The following CUX1 variants were observed in gnomAD, a reference collection of about 807,000 sequenced individuals.
CUX1 encodes protein CASP.
In CUX1, 31 loss-of-function variants were observed where a neutral mutation model predicts 158.8. The observed-to-expected ratio is 0.20, with a 90% CI of 0.15 to 0.26. The LOEUF is 0.26. CUX1 is among the 10% of genes least tolerant of loss of function. The probability of loss-of-function intolerance (pLI) is 1.00; values close to 1 mark genes in which losing one functional copy is unlikely to be tolerated. For synonymous variants in CUX1, 879 were observed against 862.1 expected (o/e 1.02, Z -0.34); for missense variants, 1,589 against 2,014.6 (o/e 0.79, Z 4.04).
chr7:102,073,563 A>G (rs1826385051), intron 4 of CUX1, among the ~76,000 whole-genome samples: 1 of 152,198 alleles, frequency 6.6e-6, no homozygotes, highest in Non-Finnish European at 1.5e-5. Context: ...CCAACTGGGC[A>G]GTCACTTTAA....
At chr7:102,080,063 G>A (rs886489238) in intron 4 of CUX1, among the ~76,000 whole-genome samples, 10 of 152,198 alleles carry the variant, frequency 6.6e-5, no homozygotes, top group East Asian at 1.9e-4. Context: ...GGCCACCACT[G>A]TTCTAAAGAC....
At position 102,248,480 on chromosome 7, in the gene CUX1, G is replaced by A; in HGVS notation, c.3956G>A (p.Ser1319Asn). ...GGGAGTCAGGGCCAGGCGGGCGCCA[G>A]CGACTCACCCTCGGCCCGCAGCGGC... ...QAGSQGQAGA[S>N]DSPSARSGRA... The change falls in exon 24 of 24, where the codon AGC becomes AAC. Residue 1319 changes from serine (S) to asparagine (N), a missense_variant. Around this residue, in one of 8 missense-constraint regions of CUX1, gnomAD observed 344 missense variants for 323.7 expected, o/e 1.06. Coordinates refer to ENST00000292535, the MANE Select transcript of CUX1 (RefSeq NM_181552.4). This position sits in a 1 kb window ranked among gnomAD's most constrained non-coding sequence, Gnocchi z 5.8. 1 of 1,592,068 alleles carries A rather than the reference G, an allele frequency of 6.3e-7. No homozygotes were observed. Among genetic ancestry groups the A allele is most frequent in the Non-Finnish European group, 8.5e-7 (1 of 1,173,100 alleles).
At chr7:101,926,461 G>T (rs1805607014) in intron 2 of CUX1, among the ~76,000 whole-genome samples, 1 of 152,116 alleles carries the variant, frequency 6.6e-6, no homozygotes, top group South Asian at 2.1e-4. Flanking sequence ...TGGTCTGGAG[G>T]GCACCAGCAG....
chr7:102,209,197 C>T (rs1402111042), intron 20 of CUX1, among the ~76,000 whole-genome samples: 1 of 152,194 alleles, frequency 6.6e-6, no homozygotes, highest in Admixed American at 6.5e-5. Context: ...CCTTGTCTGT[C>T]CTTCCGTTTT....
At chr7:102,246,257 C>T (rs1311031207) in intron 23 of CUX1, among the ~76,000 whole-genome samples, 3 of 152,132 alleles carry the variant, frequency 2.0e-5, no homozygotes, top group Non-Finnish European at 4.4e-5. Context: ...GCCATAGCGC[C>T]CAGGAACCTG....
At chr7:101,954,508 T>G (rs929393749) in intron 2 of CUX1, among the ~76,000 whole-genome samples, 4 of 152,152 alleles carry the variant, frequency 2.6e-5, no homozygotes, top group Non-Finnish European at 5.9e-5. Flanking sequence ...GGAAAAAAAG[T>G]AGAAATATGG....
At chr7:102,159,034 A>G (rs1161913394) in intron 9 of CUX1, among the ~76,000 whole-genome samples, 1 of 145,418 alleles carries the variant, frequency 6.9e-6, no homozygotes, top group African/African-American at 2.5e-5. Flanking sequence ...ACATCTCACC[A>G]CGGTGTTATC....
chr7:101,995,170 G>C (rs1171907674), intron 2 of CUX1, among the ~76,000 whole-genome samples: 2 of 152,140 alleles, frequency 1.3e-5, no homozygotes, highest in African/African-American at 4.8e-5. Context: ...AACTGCTGCT[G>C]ACGGGCTCTT....
At chr7:102,169,753 C>T (rs1554509903) in intron 9 of CUX1, among the ~76,000 whole-genome samples, 1 of 152,172 alleles carries the variant, frequency 6.6e-6, no homozygotes, top group African/African-American at 2.4e-5. Context: ...TGGTTGTTTC[C>T]TTGTTCAGGA....
chr7:102,015,418 G>A (rs1818475652), intron 2 of CUX1, among the ~76,000 whole-genome samples: 1 of 152,024 alleles, frequency 6.6e-6, no homozygotes, highest in South Asian at 2.1e-4. Flanking sequence ...AGTAGAGACG[G>A]GGTTTCACTG....
At position 102,255,312 on chromosome 7, in the gene CUX1, A is replaced by C; in HGVS notation, c.*6270A>C. Reference sequence around the variant, plus strand: ...GGATGAAGTGACATTTAGCTTTAACAAGACATTTCCAAAGCGCCTAGTCTC... The same window carrying C: ...GGATGAAGTGACATTTAGCTTTAACCAGACATTTCCAAAGCGCCTAGTCTC... On this transcript the variant is annotated 3_prime_UTR_variant, in exon 24 of 24. Transcript: ENST00000292535. 1 of 985,184 alleles carries C rather than the reference A, an allele frequency of 1.0e-6. No homozygotes were observed. The highest frequency in any genetic ancestry group is 1.2e-6 in the Non-Finnish European group (1 of 829,914). 61.0% of individuals were successfully genotyped at this position (985,184 alleles called of 1,614,324 possible).
At position 101,973,452 on chromosome 7, in the gene CUX1, C is replaced by A. The variant is rs187540181; in HGVS notation, c.142-54646C>A. On this transcript the variant is annotated intron_variant, in intron 2 of 23. Coordinates refer to ENST00000292535, the MANE Select transcript of CUX1 (RefSeq NM_181552.4). ...AGTCTGCTGACAGGGGAATTGGAGA[C>A]TGGAGGGAGCAAGTTTTACCTTTTT... Among the ~76,000 whole-genome samples, 1,011 of 152,274 alleles carry A rather than the reference C, an allele frequency of 6.6e-3. 7 individuals carry two copies. Among genetic ancestry groups the A allele is most frequent in the Non-Finnish European group, 7.4e-3 (501 of 68,038 alleles).
chr7:101,918,548 C>T lies in CUX1; in HGVS notation c.141+2323C>T, dbSNP rs1420010479. On this transcript the variant is annotated intron_variant, in intron 2 of 23. Transcript: ENST00000292535. ...ACTGCCAGTGGGTGGAGGGTGGTGC[C>T]CACTTCCTCATCTTTGGCTGTAGTA... is the stretch of plus-strand genomic sequence containing the variant. 4.6e-5 allele frequency among the ~76,000 whole-genome samples: 7 copies of T among 152,192 alleles called. No homozygotes were observed. The East Asian group carries it at 1.4e-3, about 29-fold the overall frequency.
chr7:102,117,719 G>C (rs1554492269), intron 8 of CUX1, among the ~76,000 whole-genome samples: 1 of 152,182 alleles, frequency 6.6e-6, no homozygotes, highest in Admixed American at 6.5e-5. Context: ...TCCTAAAGAG[G>C]GTGGTATGGG....
At chr7:102,234,391 C>A in intron 22 of CUX1, 151 bp downstream of exon 22, 2 of 590,266 alleles carry the variant, frequency 3.4e-6, no homozygotes, top group Non-Finnish European at 5.1e-6. Context: ...TGGTCATCAG[C>A]TAATGAGTAC....
chr7:102,080,625 C>T (rs559669323), intron 4 of CUX1, among the ~76,000 whole-genome samples: 13 of 152,164 alleles, frequency 8.5e-5, no homozygotes, highest in Non-Finnish European at 1.9e-4. Flanking sequence ...TCACAACCTA[C>T]AAGAAAAGCA....
intron 1 of CUX1, among the ~76,000 whole-genome samples, chr7:101,901,003 T>C (rs564173289): frequency 1.5e-4 from 23 of 152,304 alleles, no homozygotes; most frequent in African/African-American, 5.3e-4. Flanking sequence ...TTGTTCTGTT[T>C]ATATATCACA....
intron 2 of CUX1, among the ~76,000 whole-genome samples, chr7:101,918,976 A>G (rs1410090877): frequency 6.6e-6 from 1 of 152,078 alleles, no homozygotes; most frequent in Non-Finnish European, 1.5e-5. Context: ...AGTAGATTTC[A>G]CTATGTTGGC....
At chr7:102,202,682 A>G (rs1795574473) in intron 18 of CUX1, among the ~76,000 whole-genome samples, 1 of 152,202 alleles carries the variant, frequency 6.6e-6, no homozygotes, top group South Asian at 2.1e-4. Context: ...GGGACTTACT[A>G]GAAAAAGCTG....
Sources: gnomAD v4.1 joint callset for allele counts (sites outside exome capture counted in the v4.1 genomes callset) on GRCh38, gnomAD v4.1.1 for gene constraint, gnomAD v4.1.1 regional missense constraint, Gnocchi (gnomAD v3.1) non-coding constraint, MANE v1.5 for transcripts, NCBI Gene and HGNC (gene_info 2026-07-23, HGNC 2026-07-21) for gene names.